The following AKAP9 variants were observed in gnomAD, a reference collection of about 807,000 sequenced individuals.
The protein encoded by AKAP9 is A-kinase anchor protein 9.
Under a neutral mutation model 488.5 loss-of-function variants are expected in AKAP9, and 311 were observed. The observed-to-expected ratio is 0.64, with a 90% CI of 0.58 to 0.70. AKAP9 has a LOEUF of 0.70. AKAP9 is among the 30% of genes least tolerant of loss of function. The pLI is 0.00. For missense variants in AKAP9, 4,215 were observed against 4,374.5 expected, an observed-to-expected ratio of 0.96 and a Z score of 1.03; for synonymous variants, 1,462 against 1,483.5, an observed-to-expected ratio of 0.99 and a Z score of 0.33.
intron 3 of AKAP9, among the ~76,000 whole-genome samples, chr7:91,988,252 A>G (rs1476509690): frequency 7.0e-6 from 1 of 143,002 alleles, no homozygotes; most frequent in Non-Finnish European, 1.5e-5. Flanking sequence ...GAGTATGATC[A>G]CACCACTGGC....
At chr7:92,102,481 CTACTACT>C (rs1563151461) in intron 45 of AKAP9, 106 bp from the exon 46 acceptor site, 40 of 736,832 alleles carry the variant, frequency 5.4e-5, no homozygotes, top group African/African-American at 8.7e-5. Context: ...ACTACTACTA[CTACTACT>C]ACCACCACCA....
intron 1 of AKAP9, among the ~76,000 whole-genome samples, chr7:91,964,185 C>G (rs1164908395): frequency 1.3e-5 from 2 of 152,134 alleles, no homozygotes; most frequent in African/African-American, 4.8e-5. Flanking sequence ...TTTCTCTATG[C>G]CTACAAGTAC....
chr7:92,107,743 T>G (rs7786332), intron 48 of AKAP9: 1 of 263,486 alleles, frequency 3.8e-6, no homozygotes, highest in Non-Finnish European at 7.5e-6. Context: ...CCCAGCTACT[T>G]GGGAGGCTGA....
chr7:91,971,332 A>G (rs1795047074), intron 1 of AKAP9, among the ~76,000 whole-genome samples: 1 of 152,092 alleles, frequency 6.6e-6, no homozygotes, highest in Admixed American at 6.5e-5. Flanking sequence ...ATTTATAAAA[A>G]ACTTTTAATC....
chr7:91,996,041 T>G, intron 7 of AKAP9: 1 of 425,542 alleles, frequency 2.3e-6, no homozygotes, highest in South Asian at 7.2e-5. Context: ...AAAATACAAA[T>G]TTATAGCTAT....
chr7:92,081,473 T>TTATA lies in AKAP9; in HGVS notation c.8020-1027_8020-1024dup, dbSNP rs372040821. ...ACACGCACCACCACACCCGGCTAAT[T>TTATA]TATATATATATATATATATATATAT... On this transcript the variant is annotated intron_variant, in intron 31 of 49. Coordinates refer to ENST00000356239, the MANE Select transcript of AKAP9 (RefSeq NM_005751.5). 1.3e-3 allele frequency among the ~76,000 whole-genome samples: 151 copies of TTATA among 120,398 alleles called. 2 individuals are homozygous for TTATA. Among genetic ancestry groups the TTATA allele is most frequent in the African/African-American group, 3.2e-3 (99 of 31,322 alleles). 79.0% of individuals were successfully genotyped at this position (120,398 alleles called of 152,430 possible).
chr7:91,941,882 T>TTGTGTATG, intron 1 of AKAP9, among the ~76,000 whole-genome samples: 1 of 147,726 alleles, frequency 6.8e-6, no homozygotes, highest in Middle Eastern at 3.2e-3. Context: ...CGAATCCTGG[T>TTGTGTATG]TGTGTGTGTG....
rs908966221 is a variant in AKAP9, at chr7:92,110,117, C to T, written c.11687-5C>T. 2.5e-6 allele frequency: 4 copies of T among 1,598,138 alleles called. No homozygotes were observed. The highest frequency in any genetic ancestry group is 3.3e-4 in the Middle Eastern group (2 of 6,018). ...TCAGTTGAATTTCCTGTTTTTCTCT[C>T]ATAGGTTCAACTACTCAATTTCATG... On this transcript the variant is annotated splice_polypyrimidine_tract_variant and splice_region_variant and intron_variant, in intron 49 of 49. Transcript: ENST00000356239.
intron 7 of AKAP9, among the ~76,000 whole-genome samples, chr7:91,997,619 T>C (rs766367962): frequency 2.0e-5 from 3 of 152,156 alleles, no homozygotes; most frequent in Non-Finnish European, 2.9e-5. Context: ...AAAAATGGTG[T>C]AACTTGTCTA....
At chr7:91,944,939 C>G (rs541959380) in intron 1 of AKAP9, among the ~76,000 whole-genome samples, 3 of 152,134 alleles carry the variant, frequency 2.0e-5, no homozygotes, top group Admixed American at 1.3e-4. Flanking sequence ...GCTGTTAGTT[C>G]GTATTGCTAT....
At chr7:91,984,026 TA>T (rs1285930498) in intron 3 of AKAP9, among the ~76,000 whole-genome samples, 1 of 152,252 alleles carries the variant, frequency 6.6e-6, no homozygotes, top group African/African-American at 2.4e-5. Context: ...AGATTCTGGA[TA>T]TTAGCCCTTT....
At chr7:92,070,504 A>G (rs1344477638) in intron 27 of AKAP9, among the ~76,000 whole-genome samples, 1 of 151,916 alleles carries the variant, frequency 6.6e-6, no homozygotes, top group East Asian at 1.9e-4. Flanking sequence ...GTGCGACCTC[A>G]GCTTACCACA....
At chr7:91,965,192 C>A (rs2130529820) in intron 1 of AKAP9, among the ~76,000 whole-genome samples, 1 of 152,240 alleles carries the variant, frequency 6.6e-6, no homozygotes, top group Middle Eastern at 3.4e-3. Flanking sequence ...TCATCTTCTC[C>A]ACCTTCCTAC....
intron 14 of AKAP9, among the ~76,000 whole-genome samples, chr7:92,027,551 C>T (rs1401356700): frequency 1.4e-5 from 2 of 147,574 alleles, no homozygotes; most frequent in African/African-American, 5.0e-5. Context: ...CCGGCTGCAC[C>T]GTCTGGGAGG....
At chr7:91,985,820 C>T (rs1487071330) in intron 3 of AKAP9, among the ~76,000 whole-genome samples, 4 of 151,944 alleles carry the variant, frequency 2.6e-5, no homozygotes, top group African/African-American at 4.8e-5. Flanking sequence ...GCTAATTTTT[C>T]GTATTTTTAT....
At chr7:91,989,258 A>G (rs1463795160) in intron 3 of AKAP9, among the ~76,000 whole-genome samples, 1 of 152,160 alleles carries the variant, frequency 6.6e-6, no homozygotes, top group Non-Finnish European at 1.5e-5. Flanking sequence ...TGTGACTAGT[A>G]CACTCATTGG....
In AKAP9 at chr7:92,082,579, G is replaced by T; in HGVS notation, c.8077G>T (p.Ala2693Ser). ...EESGFFNELE[A>S]LRAESVATKA... ...AAGTGGATTTTTTAATGAACTCGAG[G>T]CTCTTAGAGCTGAATCAGTGGCTAC... is the stretch of plus-strand genomic sequence containing the variant. Residue 2693 changes from alanine to serine, a missense_variant, in exon 32 of 50, where the codon GCT (alanine) becomes TCT (serine). Around this residue, in one of 5 missense-constraint regions of AKAP9, gnomAD observed 1,476 missense variants for 1,477.4 expected, o/e 1.00. Coordinates refer to ENST00000356239, the MANE Select transcript of AKAP9 (RefSeq NM_005751.5). 1 of 1,613,888 alleles carries T rather than the reference G, an allele frequency of 6.2e-7. No individual in the cohort carries two copies. The highest frequency in any genetic ancestry group is 8.5e-7 in the Non-Finnish European group (1 of 1,179,908).
intron 3 of AKAP9, among the ~76,000 whole-genome samples, chr7:91,982,521 T>C (rs530996766): frequency 6.6e-6 from 1 of 152,192 alleles, no homozygotes; most frequent in Non-Finnish European, 1.5e-5. Context: ...GGACATGAAC[T>C]CATCCTTTTT....
At chr7:92,102,174 T>A (rs12672854) in intron 45 of AKAP9, among the ~76,000 whole-genome samples, 24,833 of 132,880 alleles carry the variant, frequency 0.19, 2,422 homozygotes, top group Admixed American at 0.27. Context: ...AAAAAAAAAA[T>A]AAATAAATAA....
Sources: gnomAD v4.1 joint callset for allele counts (sites outside exome capture counted in the v4.1 genomes callset) on GRCh38, gnomAD v4.1.1 for gene constraint, gnomAD v4.1.1 regional missense constraint, MANE v1.5 for transcripts, NCBI Gene and HGNC (gene_info 2026-07-23, HGNC 2026-07-21) for gene names.